Variants in NXPH1 observed in about 807,000 individuals in gnomAD.
NXPH1 encodes the protein neurexophilin-1.
Under a neutral mutation model 23.7 loss-of-function variants are expected in NXPH1, and 5 were observed. The ratio of observed to expected loss-of-function variants is 0.21; its 90% CI spans 0.11 to 0.44. NXPH1 has a LOEUF of 0.44. Ranked by LOEUF, NXPH1 falls within the 20% of genes least tolerant of loss-of-function variation. The probability of loss-of-function intolerance (pLI) is 0.99; values close to 1 mark genes in which losing one functional copy is unlikely to be tolerated. For missense variants in NXPH1, 324 were observed against 321.6 expected, an observed-to-expected ratio of 1.01 and a Z score of -0.06; for synonymous variants, 144 against 122.2, an observed-to-expected ratio of 1.18 and a Z score of -1.18.
intron 2 of NXPH1, among the ~76,000 whole-genome samples, chr7:8,466,332 G>A (rs1816785948): frequency 6.6e-6 from 1 of 152,324 alleles, no homozygotes; most frequent in Middle Eastern, 3.4e-3. Flanking sequence ...TAGCTAATCA[G>A]TGATGTGCTA....
intron 2 of NXPH1, among the ~76,000 whole-genome samples, chr7:8,439,279 G>A (rs959855836): frequency 2.0e-5 from 3 of 152,160 alleles, no homozygotes; most frequent in African/African-American, 7.2e-5. Flanking sequence ...TTGCTCTGAA[G>A]AGTGGGGGTT....
At chr7:8,697,959 T>C (rs1340089607) in intron 2 of NXPH1, among the ~76,000 whole-genome samples, 1 of 152,172 alleles carries the variant, frequency 6.6e-6, no homozygotes, top group East Asian at 1.9e-4. Context: ...ATAATTTGGA[T>C]TGCATTCTAA....
At chr7:8,680,115 T>G (rs2115175893) in intron 2 of NXPH1, among the ~76,000 whole-genome samples, 1 of 152,380 alleles carries the variant, frequency 6.6e-6, no homozygotes. Context: ...AGCATAAAGC[T>G]TTTATTCAGT....
intron 2 of NXPH1, among the ~76,000 whole-genome samples, chr7:8,523,994 C>A (rs975114393): frequency 1.3e-5 from 2 of 152,182 alleles, no homozygotes; most frequent in South Asian, 4.1e-4. Flanking sequence ...CCTGTAATCC[C>A]AGCACTTTGG....
chr7:8,662,451 T>C (rs1049200188), intron 2 of NXPH1, among the ~76,000 whole-genome samples: 1 of 152,100 alleles, frequency 6.6e-6, no homozygotes, highest in Non-Finnish European at 1.5e-5. Flanking sequence ...TTGACCAATA[T>C]ATTTAACTAG....
At chr7:8,447,062 T>C (rs910044925) in intron 2 of NXPH1, among the ~76,000 whole-genome samples, 14 of 152,224 alleles carry the variant, frequency 9.2e-5, no homozygotes, top group African/African-American at 3.1e-4. Flanking sequence ...AGCTGGGCTA[T>C]ATGAGACCTG....
At chr7:8,475,217 T>G (rs1816949634) in intron 2 of NXPH1, among the ~76,000 whole-genome samples, 1 of 152,120 alleles carries the variant, frequency 6.6e-6, no homozygotes, top group East Asian at 1.9e-4. Flanking sequence ...GTGTGAAGCC[T>G]GATTCCCAAT....
At chr7:8,729,140 G>A (rs991149903) in intron 2 of NXPH1, among the ~76,000 whole-genome samples, 3 of 152,084 alleles carry the variant, frequency 2.0e-5, no homozygotes, top group East Asian at 3.9e-4. Context: ...GGTGTTTATA[G>A]TATTCTCTGA....
intron 2 of NXPH1, among the ~76,000 whole-genome samples, chr7:8,441,448 G>T (rs916535626): frequency 1.3e-5 from 2 of 152,096 alleles, no homozygotes; most frequent in Non-Finnish European, 2.9e-5. Flanking sequence ...GACTCTGCTT[G>T]AAGGAATGTG....
At chr7:8,600,549 A>C (rs1391450390) in intron 2 of NXPH1, among the ~76,000 whole-genome samples, 4 of 152,218 alleles carry the variant, frequency 2.6e-5, no homozygotes, top group Admixed American at 6.5e-5. Context: ...GTGGACCTGC[A>C]TCAATGTCTA....
At chr7:8,694,224 C>A (rs917501459) in intron 2 of NXPH1, among the ~76,000 whole-genome samples, 7 of 152,122 alleles carry the variant, frequency 4.6e-5, no homozygotes, top group Non-Finnish European at 8.8e-5. Context: ...AGAATGCAAT[C>A]CACTCTTTCC....
intron 2 of NXPH1, among the ~76,000 whole-genome samples, chr7:8,491,909 C>A (rs953542789): frequency 4.6e-5 from 7 of 151,998 alleles, no homozygotes; most frequent in African/African-American, 1.7e-4. Context: ...AGTTTATGAT[C>A]AAAATCAATG....
intron 2 of NXPH1, among the ~76,000 whole-genome samples, chr7:8,463,022 T>A (rs1159617038): frequency 6.6e-6 from 1 of 152,206 alleles, no homozygotes; most frequent in African/African-American, 2.4e-5. Flanking sequence ...TCCTTTCTCT[T>A]TTGTAATCTC....
intron 2 of NXPH1, among the ~76,000 whole-genome samples, chr7:8,570,985 A>C: frequency 6.6e-6 from 1 of 151,580 alleles, no homozygotes; most frequent in East Asian, 1.9e-4. Context: ...TATCAACAGA[A>C]TCAGTATATA....
chr7:8,511,459 C>T (rs1019597291), intron 2 of NXPH1, among the ~76,000 whole-genome samples: 10 of 152,250 alleles, frequency 6.6e-5, no homozygotes, highest in Middle Eastern at 3.4e-3. Flanking sequence ...GTCTGGCACC[C>T]TGCTCCCTCT....
chr7:8,591,509 T>C (rs1819092922), intron 2 of NXPH1, among the ~76,000 whole-genome samples: 1 of 152,076 alleles, frequency 6.6e-6, no homozygotes, highest in Non-Finnish European at 1.5e-5. Context: ...AGTTTTATCA[T>C]GCTTTAAGAT....
intron 2 of NXPH1, among the ~76,000 whole-genome samples, chr7:8,644,648 T>C (rs955909527): frequency 2.0e-5 from 3 of 152,132 alleles, no homozygotes; most frequent in Admixed American, 6.6e-5. Flanking sequence ...GATAGTGTCA[T>C]GTTTTTTAAC....
chr7:8,435,585 T>C lies in NXPH1; in HGVS notation c.-110-19T>C. On this transcript the variant is annotated intron_variant, in intron 1 of 2. Coordinates refer to ENST00000405863, the MANE Select transcript of NXPH1 (RefSeq NM_152745.3). This position sits in a 1 kb window ranked among gnomAD's most constrained non-coding sequence, Gnocchi z 5.9. Reference sequence around the variant, plus strand: ...CTTGCCCGCGTAGTCATGGGATGTCTAATTTTATTTGCATCTAGGCTGCTG... The same window carrying C: ...CTTGCCCGCGTAGTCATGGGATGTCCAATTTTATTTGCATCTAGGCTGCTG... 1.2e-6 allele frequency: 1 copy of C among 831,438 alleles called. No homozygotes were observed. Among genetic ancestry groups the C allele is most frequent in the Non-Finnish European group, 2.1e-6 (1 of 481,120 alleles). The allele number at this position is 831,438 out of a possible 1,614,324, so 51.5% of individuals were successfully genotyped here. A position where few individuals can be genotyped will look rare whatever the true frequency, so the allele number is the denominator to read the frequency against.
chr7:8,726,859 G>C (rs1188351613), intron 2 of NXPH1, among the ~76,000 whole-genome samples: 1 of 151,984 alleles, frequency 6.6e-6, no homozygotes, highest in East Asian at 1.9e-4. Context: ...CCAGTAATGG[G>C]ATGGCTGGGT....
Sources: gnomAD v4.1 joint callset for allele counts (sites outside exome capture counted in the v4.1 genomes callset) on GRCh38, gnomAD v4.1.1 for gene constraint, Gnocchi (gnomAD v3.1) non-coding constraint, MANE v1.5 for transcripts, NCBI Gene and HGNC (gene_info 2026-07-23, HGNC 2026-07-21) for gene names.